The following STAG1 variants were observed in gnomAD, a reference collection of about 807,000 sequenced individuals.
The protein encoded by STAG1 is cohesin subunit SA-1.
In STAG1, 26 loss-of-function variants were observed where a neutral mutation model predicts 170.9. That is an observed-to-expected ratio of 0.15 (90% CI 0.11 to 0.21). The LOEUF is 0.21. STAG1 is among the 10% of genes least tolerant of loss of function. The probability of loss-of-function intolerance (pLI) is 1.00; values close to 1 mark genes in which losing one functional copy is unlikely to be tolerated. For missense variants in STAG1, 964 were observed against 1,509.5 expected (o/e 0.64, Z 5.99); for synonymous variants, 514 against 497.7 (o/e 1.03, Z -0.44).
chr3:136,700,421 T>C (rs961956223), intron 1 of STAG1, among the ~76,000 whole-genome samples: 4 of 150,794 alleles, frequency 2.7e-5, no homozygotes, highest in Non-Finnish European at 4.4e-5. Context: ...ACTTCTTCTT[T>C]TTTTTTTTTT....
chr3:136,438,497 T>A (rs2088528023), intron 15 of STAG1, among the ~76,000 whole-genome samples: 1 of 152,142 alleles, frequency 6.6e-6, no homozygotes, highest in African/African-American at 2.4e-5. Flanking sequence ...AGTGCTAGGA[T>A]TAAAGGCATG....
chr3:136,666,074 C>CAAAAAAAAAAAAAAAAAAAAAAAAAAAA (rs576009223), intron 1 of STAG1, among the ~76,000 whole-genome samples: 1 of 51,142 alleles, frequency 2.0e-5, no homozygotes, highest in Admixed American at 2.8e-4. Context: ...GACTCCATCT[C>CAAAAAAAAAAAAAAAAAAAAAAAAAAAA]AAAAAAAAAA....
intron 21 of STAG1, among the ~76,000 whole-genome samples, chr3:136,405,623 A>T (rs2087459358): frequency 6.6e-6 from 1 of 151,658 alleles, no homozygotes. Context: ...TGGGAGGCCC[A>T]GGTGGGTGGA....
At chr3:136,654,397 T>A (rs961178363) in intron 1 of STAG1, among the ~76,000 whole-genome samples, 1 of 152,186 alleles carries the variant, frequency 6.6e-6, no homozygotes, top group African/African-American at 2.4e-5. Flanking sequence ...TATAACAGCA[T>A]CTAAAGCAGT....
At position 136,522,711 on chromosome 3, in the gene STAG1, C is replaced by A. The variant is rs189522387; in HGVS notation, c.472-1294G>T. Among the ~76,000 whole-genome samples the A allele has an allele frequency of 1.1e-4, 13 of 122,116 alleles. No individual in the cohort carries two copies. The East Asian group carries it at 3.8e-3, about 36-fold the overall frequency. The allele number at this position is 122,116 out of a possible 152,430, so 80.1% of individuals were successfully genotyped here. On this transcript the variant is annotated intron_variant, in intron 6 of 33. Transcript: ENST00000383202. Reference sequence around the variant, plus strand: ...ATGAGGTATATCTCCTAATGCTATTCCTCCCCCCTCCCCCCACCCCACGGC... The same window carrying A: ...ATGAGGTATATCTCCTAATGCTATTACTCCCCCCTCCCCCCACCCCACGGC...
At chr3:136,564,561 G>A (rs1019746877) in intron 5 of STAG1, among the ~76,000 whole-genome samples, 5 of 152,160 alleles carry the variant, frequency 3.3e-5, no homozygotes, top group Non-Finnish European at 7.4e-5. Context: ...TTAGGTCTAT[G>A]TCAGGATTTT....
intron 1 of STAG1, among the ~76,000 whole-genome samples, chr3:136,651,923 A>G (rs1382002624): frequency 6.6e-6 from 1 of 152,188 alleles, no homozygotes; most frequent in African/African-American, 2.4e-5. Flanking sequence ...TTAGCATGTC[A>G]GGGGAAGAGG....
intron 9 of STAG1, among the ~76,000 whole-genome samples, chr3:136,497,101 A>G (rs889112104): frequency 2.0e-5 from 3 of 152,192 alleles, no homozygotes; most frequent in Admixed American, 6.5e-5. Context: ...GAGAAAATTC[A>G]TACTTAAAAA....
At chr3:136,737,738 T>C (rs1241964876) in intron 1 of STAG1, among the ~76,000 whole-genome samples, 1 of 152,198 alleles carries the variant, frequency 6.6e-6, no homozygotes. Context: ...AGAGCTAACA[T>C]TCCAGAGGGA....
At chr3:136,444,861 AT>A (rs910078054) in intron 14 of STAG1, among the ~76,000 whole-genome samples, 5 of 151,100 alleles carry the variant, frequency 3.3e-5, no homozygotes, top group African/African-American at 1.2e-4. Flanking sequence ...CTTCAGTGTG[AT>A]TTTTTTTTCT....
At chr3:136,508,933 A>G (rs980806690) in intron 7 of STAG1, among the ~76,000 whole-genome samples, 3 of 152,280 alleles carry the variant, frequency 2.0e-5, no homozygotes, top group African/African-American at 7.2e-5. Flanking sequence ...AGATGCAAGA[A>G]TATCTCTTAG....
chr3:136,624,686 C>T (rs1444656169), intron 2 of STAG1, among the ~76,000 whole-genome samples: 1 of 152,148 alleles, frequency 6.6e-6, no homozygotes, highest in African/African-American at 2.4e-5. Context: ...TTCTCTATCA[C>T]TTTCTTAAGT....
chr3:136,664,176 G>T (rs899694201), intron 1 of STAG1, among the ~76,000 whole-genome samples: 1 of 152,136 alleles, frequency 6.6e-6, no homozygotes, highest in Non-Finnish European at 1.5e-5. Context: ...AATTTTTAAT[G>T]ATCTGGAATG....
intron 13 of STAG1, among the ~76,000 whole-genome samples, chr3:136,461,775 G>A (rs540623882): frequency 6.6e-6 from 1 of 152,170 alleles, no homozygotes; most frequent in South Asian, 2.1e-4. Flanking sequence ...CAGAGTGGGT[G>A]AAAATATCGG....
chr3:136,418,433 G>C (rs1004562372), intron 20 of STAG1, among the ~76,000 whole-genome samples: 4 of 64,790 alleles, frequency 6.2e-5, no homozygotes, highest in African/African-American at 2.5e-4. Flanking sequence ...AATTGAAAAA[G>C]ATCCATAAAG....
intron 28 of STAG1, among the ~76,000 whole-genome samples, chr3:136,351,734 T>C (rs1156562863): frequency 6.6e-6 from 1 of 152,150 alleles, no homozygotes; most frequent in Non-Finnish European, 1.5e-5. Context: ...AGGCTGCCTT[T>C]CTCAGGAATA....
Position 136,401,713 on chromosome 3 carries a change from T to C in STAG1, c.2197-2884A>G, listed in dbSNP as rs145124315. 6.6e-3 allele frequency among the ~76,000 whole-genome samples: 1,004 copies of C among 152,290 alleles called. 10 individuals are homozygous for C. Among genetic ancestry groups the C allele is most frequent in the African/African-American group, 0.023 (975 of 41,548 alleles). On this transcript the variant is annotated intron_variant, in intron 21 of 33. Transcript: ENST00000383202. ...TTTTGTACACAAAATGTTTACTACA[T>C]TTTTTGAATAAACGATGTATCTTTT...
chr3:136,338,029 C>A lies in STAG1; in HGVS notation c.*225G>T. On this transcript the variant is annotated 3_prime_UTR_variant, in exon 34 of 34. Transcript: ENST00000383202. ...TTGGGATAAGTCCAATAGTAGGACA[C>A]AAATGATTTTCAGGTCAGTCTTTCT... 1 of 527,374 alleles carries A rather than the reference C, an allele frequency of 1.9e-6. No individual in the cohort carries two copies. Among genetic ancestry groups the A allele is most frequent in the East Asian group, 3.1e-5 (1 of 32,684 alleles). 32.7% of individuals were successfully genotyped at this position (527,374 alleles called of 1,614,324 possible). A position where few individuals can be genotyped will look rare whatever the true frequency, so the allele number is the denominator to read the frequency against.
intron 13 of STAG1, among the ~76,000 whole-genome samples, chr3:136,455,052 G>A (rs933399051): frequency 1.3e-5 from 2 of 152,188 alleles, no homozygotes; most frequent in African/African-American, 4.8e-5. Flanking sequence ...AAACATTTAT[G>A]GAGTGAAGCT....
Sources: gnomAD v4.1 joint callset for allele counts (sites outside exome capture counted in the v4.1 genomes callset) on GRCh38, gnomAD v4.1.1 for gene constraint, MANE v1.5 for transcripts, NCBI Gene and HGNC (gene_info 2026-07-23, HGNC 2026-07-21) for gene names.